The following TMEM161B variants were observed in gnomAD, a reference collection of about 807,000 sequenced individuals.
TMEM161B encodes transmembrane protein 161B.
Under a neutral mutation model 61.8 loss-of-function variants are expected in TMEM161B, and 34 were observed. The ratio of observed to expected loss-of-function variants is 0.55; its 90% CI spans 0.42 to 0.73. The LOEUF (loss-of-function observed/expected upper bound fraction) is 0.73. Ranked by LOEUF, TMEM161B falls within the 30% of genes least tolerant of loss-of-function variation. The probability of loss-of-function intolerance (pLI) is 0.00; values close to 1 mark genes in which losing one functional copy is unlikely to be tolerated. For synonymous variants in TMEM161B, 167 were observed against 192.8 expected (o/e 0.87, Z 1.11); for missense variants, 456 against 558.5 (o/e 0.82, Z 1.85).
chr5:88,221,609 CTA>C, intron 4 of TMEM161B: 1 of 433,834 alleles, frequency 2.3e-6, no homozygotes, highest in Non-Finnish European at 4.6e-6. Flanking sequence ...CTTCAACAAA[CTA>C]TTCCATTCTT....
At chr5:88,266,596 T>C (rs1449661105) in intron 1 of TMEM161B, among the ~76,000 whole-genome samples, 1 of 152,208 alleles carries the variant, frequency 6.6e-6, no homozygotes, top group East Asian at 1.9e-4. Flanking sequence ...TCCAAATCCA[T>C]ATAACTAACA....
chr5:88,243,895 T>C (rs1753163406), intron 1 of TMEM161B, among the ~76,000 whole-genome samples: 1 of 151,982 alleles, frequency 6.6e-6, no homozygotes, highest in Non-Finnish European at 1.5e-5. Context: ...AATGTCTCCA[T>C]TTGAAAGGTG....
At chr5:88,209,851 C>G (rs1204468568) in intron 5 of TMEM161B, among the ~76,000 whole-genome samples, 1 of 46,776 alleles carries the variant, frequency 2.1e-5, no homozygotes, top group Non-Finnish European at 5.0e-5. Context: ...GGATCATAAT[C>G]TATCATCTGA....
At chr5:88,224,479 G>T (rs1185515562) in intron 4 of TMEM161B, among the ~76,000 whole-genome samples, 2 of 151,994 alleles carry the variant, frequency 1.3e-5, no homozygotes, top group Non-Finnish European at 2.9e-5. Flanking sequence ...TACAAAAATT[G>T]AGATACTACA....
intron 1 of TMEM161B, among the ~76,000 whole-genome samples, chr5:88,259,781 C>T (rs1376866673): frequency 1.3e-5 from 2 of 152,066 alleles, no homozygotes; most frequent in Admixed American, 6.5e-5. Flanking sequence ...TAACTAGGTT[C>T]GGGAAACATT....
intron 1 of TMEM161B, among the ~76,000 whole-genome samples, chr5:88,253,706 T>C (rs1368481023): frequency 6.6e-6 from 1 of 151,930 alleles, no homozygotes; most frequent in East Asian, 1.9e-4. Context: ...GAAAAATAAA[T>C]TGAAGGGGTA....
At chr5:88,265,050 A>G (rs1166996800) in intron 1 of TMEM161B, among the ~76,000 whole-genome samples, 1 of 152,192 alleles carries the variant, frequency 6.6e-6, no homozygotes, top group Non-Finnish European at 1.5e-5. Context: ...ATGTATACCT[A>G]TGTAACAAAC....
At chr5:88,256,567 C>T (rs1007075394) in intron 1 of TMEM161B, among the ~76,000 whole-genome samples, 19 of 152,182 alleles carry the variant, frequency 1.2e-4, no homozygotes, top group African/African-American at 4.6e-4. Flanking sequence ...CACTATAAAA[C>T]GTTCATTGAC....
chr5:88,190,083 T>C, downstream of TMEM161B: 1 of 700,708 alleles, frequency 1.4e-6, no homozygotes, highest in Non-Finnish European at 2.6e-6. Flanking sequence ...TTCACAAGCT[T>C]TCTCAGTTCG....
intron 9 of TMEM161B, chr5:88,202,015 G>A (rs951136195): frequency 1.7e-5 from 7 of 409,254 alleles, no homozygotes; most frequent in African/African-American, 1.4e-4. Context: ...AGGCAAAGCA[G>A]TGAAAAGAAC....
downstream of TMEM161B, chr5:88,190,201 AGGG>A (rs1345638818): frequency 4.3e-6 from 3 of 700,896 alleles, no homozygotes; most frequent in Non-Finnish European, 7.8e-6. Context: ...AGATCTTCAA[AGGG>A]GGCTGCTCCA....
At chr5:88,224,968 T>G (rs939578215) in intron 4 of TMEM161B, among the ~76,000 whole-genome samples, 2 of 141,122 alleles carry the variant, frequency 1.4e-5, no homozygotes, top group South Asian at 2.4e-4. Context: ...TGTTTTTGTT[T>G]TTTTTTTTTT....
intron 2 of TMEM161B, among the ~76,000 whole-genome samples, chr5:88,237,804 T>C (rs962137456): frequency 7.9e-5 from 12 of 152,090 alleles, no homozygotes; most frequent in African/African-American, 2.7e-4. Flanking sequence ...AGCTACAAAA[T>C]TAGTCAATTT....
chr5:88,240,920 T>A lies in TMEM161B; in HGVS notation c.4-4A>T. On this transcript the variant is annotated splice_polypyrimidine_tract_variant and splice_region_variant and intron_variant, in intron 1 of 11. Coordinates refer to ENST00000296595, the MANE Select transcript of TMEM161B (RefSeq NM_153354.5). ...CCAGCTGTATACCTATCACACCCTG[T>A]GTAAAAAAAACAAACAAATTTAATA... 6.5e-7 allele frequency: 1 copy of A among 1,531,734 alleles called. No homozygotes were observed. Among genetic ancestry groups the A allele is most frequent in the Non-Finnish European group, 8.8e-7 (1 of 1,137,296 alleles). 94.9% of individuals were successfully genotyped at this position (1,531,734 alleles called of 1,614,324 possible).
intron 1 of TMEM161B, among the ~76,000 whole-genome samples, chr5:88,252,374 G>C (rs1463968713): frequency 6.6e-6 from 1 of 152,052 alleles, no homozygotes; most frequent in East Asian, 1.9e-4. Flanking sequence ...GATCACCTAG[G>C]ACTTCTAAAC....
chr5:88,227,525 G>A (rs921701177), intron 3 of TMEM161B, among the ~76,000 whole-genome samples: 1 of 152,184 alleles, frequency 6.6e-6, no homozygotes, highest in African/African-American at 2.4e-5. Flanking sequence ...ACTATTAATA[G>A]TCCAATGAGC....
intron 2 of TMEM161B, among the ~76,000 whole-genome samples, chr5:88,236,204 A>G (rs1014593949): frequency 2.6e-5 from 4 of 152,180 alleles, no homozygotes; most frequent in African/African-American, 9.7e-5. Context: ...AAATCTGACC[A>G]TAATATATTT....
intron 11 of TMEM161B, among the ~76,000 whole-genome samples, 153 bp from the exon 12 acceptor site, chr5:88,196,641 T>C (rs1162628901): frequency 3.9e-5 from 6 of 152,036 alleles, no homozygotes; most frequent in African/African-American, 1.4e-4. Context: ...ATAATCCTTC[T>C]AGATCTGTAA....
At chr5:88,266,833 C>T (rs1756436615) in intron 1 of TMEM161B, among the ~76,000 whole-genome samples, 1 of 152,168 alleles carries the variant, frequency 6.6e-6, no homozygotes, top group African/African-American at 2.4e-5. Context: ...AAAGATAAAA[C>T]TCAGCCAAGA....
Sources: allele counts gnomAD v4.1 joint callset (sites outside exome capture counted in the v4.1 genomes callset), GRCh38; gene constraint gnomAD v4.1.1; transcripts MANE v1.5; gene names NCBI Gene and HGNC (gene_info 2026-07-23, HGNC 2026-07-21).